TENM2: variants seen among roughly 807,000 people sequenced by gnomAD.
TENM2 encodes the protein teneurin-2.
Under a neutral mutation model 245.2 loss-of-function variants are expected in TENM2, and 52 were observed. The observed-to-expected ratio is 0.21, with a 90% CI of 0.17 to 0.27. The LOEUF is 0.27. TENM2 is among the 10% of genes least tolerant of loss of function. TENM2 has a pLI of 1.00. For synonymous variants in TENM2, 1,363 were observed against 1,438.9 expected, an observed-to-expected ratio of 0.95 and a Z score of 1.19; for missense variants, 3,046 against 3,666.8, an observed-to-expected ratio of 0.83 and a Z score of 4.37.
intron 2 of TENM2, among the ~76,000 whole-genome samples, chr5:167,805,581 TGATGAAACTTACCTCCCACAGTGGCA>T (rs1766104276): frequency 6.6e-6 from 1 of 152,166 alleles, no homozygotes; most frequent in African/African-American, 2.4e-5. Context: ...AGGTCAACCA[TGATGAAACTTACCTCCCACAGTGGCA>T]GTAAATAGTG....
At chr5:167,524,074 C>T (rs115229285) in intron 2 of TENM2, among the ~76,000 whole-genome samples, 13 of 152,292 alleles carry the variant, frequency 8.5e-5, no homozygotes, top group African/African-American at 2.6e-4. Context: ...GAAAGCAAGG[C>T]CATTCACATT....
intron 1 of TENM2, among the ~76,000 whole-genome samples, chr5:167,298,263 A>G (rs1254173166): frequency 1.3e-5 from 2 of 152,272 alleles, no homozygotes; most frequent in East Asian, 3.9e-4. Flanking sequence ...AACATTTGTC[A>G]TTTAGAATTA....
the TENM2 span, among the ~76,000 whole-genome samples, chr5:167,002,570 C>A: frequency 6.6e-6 from 1 of 151,172 alleles, no homozygotes. Context: ...ATTGGGAGGC[C>A]AAGGCAAGAG....
In TENM2 at chr5:167,966,984, C is replaced by G. The variant is rs1781430189; in HGVS notation, c.947+14162C>G. Reference sequence around the variant, plus strand: ...TTTCAAGCTCAGCCTTATTTTATAGCTTTACCTTGCCTTTTTGACACCACG... The same window carrying G: ...TTTCAAGCTCAGCCTTATTTTATAGGTTTACCTTGCCTTTTTGACACCACG... On this transcript the variant is annotated intron_variant, in intron 4 of 28. Transcript: ENST00000518659. 1.3e-5 allele frequency: 2 copies of G among 152,190 alleles called. 1 individual carries two copies. Among genetic ancestry groups the G allele is most frequent in the African/African-American group, 4.8e-5 (2 of 41,458 alleles). 9.4% of individuals were successfully genotyped at this position (152,190 alleles called of 1,614,324 possible).
the TENM2 span, among the ~76,000 whole-genome samples, chr5:167,068,423 T>G: frequency 6.6e-6 from 1 of 152,202 alleles, no homozygotes; most frequent in African/African-American, 2.4e-5. Flanking sequence ...AGGCACATGA[T>G]AAATAATGAG....
chr5:167,529,597 A>G (rs990218400), intron 2 of TENM2, among the ~76,000 whole-genome samples: 1 of 152,216 alleles, frequency 6.6e-6, no homozygotes, highest in African/African-American at 2.4e-5. Context: ...GTGAGCTGAG[A>G]TGAAGGGTAA....
In TENM2 at chr5:168,211,795, C is replaced by T. The variant is rs531546650; in HGVS notation, c.3845+41C>T. 2.3e-4 allele frequency: 282 copies of T among 1,251,452 alleles called. 4 individuals carry two copies. In the Admixed American group the frequency reaches 5.5e-3, roughly 24 times the overall value. The allele number at this position is 1,251,452 out of a possible 1,614,324, so 77.5% of individuals were successfully genotyped here. ...CTTTCCCATATAATTTGATATGGTT[C>T]GTTTGCTTCCTTGTGTTTGCTTTTT... On this transcript the variant is annotated intron_variant, in intron 20 of 28. Coordinates refer to ENST00000518659, the Ensembl canonical transcript of TENM2.
chr5:167,492,102 T>C (rs1187714483), intron 2 of TENM2, among the ~76,000 whole-genome samples: 5 of 152,142 alleles, frequency 3.3e-5, no homozygotes, highest in African/African-American at 1.2e-4. Flanking sequence ...GAGAAGTTGT[T>C]GAGATAAGCA....
the TENM2 span, among the ~76,000 whole-genome samples, chr5:167,012,151 C>T: frequency 1.3e-5 from 2 of 152,152 alleles, no homozygotes; most frequent in Non-Finnish European, 2.9e-5. Flanking sequence ...TTGTAATGTC[C>T]CAGATCAAAC....
At chr5:167,528,471 A>T (rs1436011987) in intron 2 of TENM2, among the ~76,000 whole-genome samples, 1 of 152,124 alleles carries the variant, frequency 6.6e-6, no homozygotes. Flanking sequence ...GGGTAATTTC[A>T]TCTTTAAACT....
intron 14 of TENM2, among the ~76,000 whole-genome samples, chr5:168,191,661 G>A (rs184993721): frequency 6.6e-6 from 1 of 152,038 alleles, no homozygotes; most frequent in Admixed American, 6.5e-5. Flanking sequence ...GCCTCATTCA[G>A]GTAGGCCCAG....
intron 2 of TENM2, among the ~76,000 whole-genome samples, chr5:167,870,363 G>A (rs964423772): frequency 8.6e-5 from 13 of 151,926 alleles, no homozygotes; most frequent in Non-Finnish European, 1.9e-4. Context: ...GTGGAACATA[G>A]TAAAATGAAA....
intron 2 of TENM2, among the ~76,000 whole-genome samples, chr5:167,621,038 G>A (rs762484562): frequency 1.3e-5 from 2 of 152,164 alleles, no homozygotes; most frequent in Middle Eastern, 3.4e-3. Context: ...TAAGGAGAGA[G>A]ACAGGATGGA....
chr5:167,046,141 A>T, the TENM2 span, among the ~76,000 whole-genome samples: 4 of 152,150 alleles, frequency 2.6e-5, no homozygotes, highest in Non-Finnish European at 5.9e-5. Context: ...CACGGGAAAA[A>T]AAAGGTACTG....
intron 27 of TENM2, among the ~76,000 whole-genome samples, chr5:168,250,436 A>T (rs1767016087): frequency 6.6e-6 from 1 of 152,186 alleles, no homozygotes; most frequent in Non-Finnish European, 1.5e-5. Flanking sequence ...AGTTCCAGAA[A>T]ACTCACAGCT....
rs149402616 is a variant in TENM2, at chr5:167,843,442, G to A, written c.503-32544G>A. Among the ~76,000 whole-genome samples the A allele has an allele frequency of 5.3e-4, 80 of 152,260 alleles. 1 individual carries two copies. In the East Asian group the frequency reaches 0.015, roughly 29 times the overall value. On this transcript the variant is annotated intron_variant, in intron 2 of 28. Coordinates refer to ENST00000518659, the Ensembl canonical transcript of TENM2. ...ATTTTGAGAGCTTAGCACAACCTTA[G>A]CAGTTAAACTGTCTGTTACTATTTT...
intron 2 of TENM2, among the ~76,000 whole-genome samples, chr5:167,508,186 C>T (rs528808364): frequency 6.6e-6 from 1 of 152,270 alleles, no homozygotes; most frequent in Admixed American, 6.5e-5. Context: ...ACATATTTCA[C>T]TTTAAGCATT....
intron 2 of TENM2, among the ~76,000 whole-genome samples, chr5:167,770,583 A>C (rs955729921): frequency 6.6e-6 from 1 of 152,226 alleles, no homozygotes; most frequent in African/African-American, 2.4e-5. Flanking sequence ...GATTTGAACC[A>C]GAACTTGCTC....
Position 167,911,449 on chromosome 5 carries a change from C to T in TENM2, c.712+35254C>T, listed in dbSNP as rs185938968. ...GGCTGAGGCAGGAGAATGGCGTGAA[C>T]CTGGGAGGCGGAGCTTGCCGTGAGC... On this transcript the variant is annotated intron_variant, in intron 3 of 28. Coordinates refer to ENST00000518659, the Ensembl canonical transcript of TENM2. Among the ~76,000 whole-genome samples, 332 of 152,324 alleles carry T rather than the reference C, an allele frequency of 2.2e-3. 1 individual carries two copies. The highest frequency in any genetic ancestry group is 3.6e-3 in the Non-Finnish European group (243 of 68,022).
Sources: gnomAD v4.1 joint callset for allele counts (sites outside exome capture counted in the v4.1 genomes callset) on GRCh38, gnomAD v4.1.1 for gene constraint, MANE v1.5 for transcripts, NCBI Gene and HGNC (gene_info 2026-07-23, HGNC 2026-07-21) for gene names.